The following GLG1 variants were observed in gnomAD, a reference collection of about 807,000 sequenced individuals.
The protein encoded by GLG1 is Golgi apparatus protein 1.
GLG1 carries 38 observed loss-of-function variants against 160.5 expected under a neutral mutation model. That is an observed-to-expected ratio of 0.24 (90% confidence interval 0.18 to 0.31). The LOEUF is 0.31. GLG1 is among the 10% of genes least tolerant of loss of function. The pLI, the probability that GLG1 is intolerant of heterozygous loss-of-function variation, is 1.00. For missense variants in GLG1, 1,373 were observed against 1,505.2 expected, an observed-to-expected ratio of 0.91 and a Z score of 1.45; for synonymous variants, 644 against 543.4, an observed-to-expected ratio of 1.19 and a Z score of -2.57.
intron 1 of GLG1, among the ~76,000 whole-genome samples, chr16:74,535,188 T>C (rs2017655166): frequency 6.6e-6 from 1 of 152,100 alleles, no homozygotes; most frequent in Non-Finnish European, 1.5e-5. Flanking sequence ...GAAGAAAAAA[T>C]GACTAATATA....
chr16:74,586,064 G>GAA (rs201949259), intron 1 of GLG1, among the ~76,000 whole-genome samples: 13 of 120,870 alleles, frequency 1.1e-4, no homozygotes, highest in African/African-American at 3.0e-4. Context: ...CTCTGTATCG[G>GAA]AAAAAAAAAA....
At chr16:74,529,288 C>G (rs1298629702) in intron 2 of GLG1, among the ~76,000 whole-genome samples, 2 of 152,030 alleles carry the variant, frequency 1.3e-5, no homozygotes, top group Non-Finnish European at 1.5e-5. Flanking sequence ...TTTTTATGTC[C>G]ACTAAAGCTG....
At chr16:74,505,617 G>A (rs150369616) in intron 3 of GLG1, among the ~76,000 whole-genome samples, 2,117 of 152,288 alleles carry the variant, frequency 0.014, 36 homozygotes, top group African/African-American at 0.048. Context: ...CACTTTGGGA[G>A]GCTGAGGCAG....
At chr16:74,578,709 G>C (rs776903340) in intron 1 of GLG1, among the ~76,000 whole-genome samples, 3 of 152,182 alleles carry the variant, frequency 2.0e-5, no homozygotes, top group Non-Finnish European at 4.4e-5. Context: ...ATAGGAGTAT[G>C]TTCTGAAGGC....
chr16:74,483,905 C>T (rs1025978266), intron 9 of GLG1, among the ~76,000 whole-genome samples: 3 of 152,036 alleles, frequency 2.0e-5, no homozygotes, highest in East Asian at 1.9e-4. Context: ...GTGATCTGCC[C>T]GCCTCGGCCT....
chr16:74,548,268 A>G (rs1456131078), intron 1 of GLG1, among the ~76,000 whole-genome samples: 2 of 152,246 alleles, frequency 1.3e-5, no homozygotes, highest in African/African-American at 4.8e-5. Context: ...ATCACAAAGC[A>G]GGCAACGGCA....
At chr16:74,534,807 C>T (rs2017642832) in intron 1 of GLG1, among the ~76,000 whole-genome samples, 1 of 152,210 alleles carries the variant, frequency 6.6e-6, no homozygotes, top group Non-Finnish European at 1.5e-5. Flanking sequence ...GCAAGCACTG[C>T]AGTCCACATT....
At chr16:74,577,522 C>CAA (rs71376222) in intron 1 of GLG1, among the ~76,000 whole-genome samples, 2,889 of 119,958 alleles carry the variant, frequency 0.024, 54 homozygotes, top group African/African-American at 0.036. Context: ...AACTCCATCT[C>CAA]AAAAAAAAAA....
chr16:74,508,467 G>T (rs1216493646), intron 3 of GLG1, among the ~76,000 whole-genome samples: 1 of 152,006 alleles, frequency 6.6e-6, no homozygotes, highest in African/African-American at 2.4e-5. Flanking sequence ...ATACCTCTGT[G>T]GGTCAATTGA....
chr16:74,510,553 T>A (rs1359249134), intron 2 of GLG1, among the ~76,000 whole-genome samples: 1 of 152,202 alleles, frequency 6.6e-6, no homozygotes, highest in African/African-American at 2.4e-5. Flanking sequence ...TGAAGATGTA[T>A]GTATATATTC....
chr16:74,523,233 T>C (rs2017227366), intron 2 of GLG1, among the ~76,000 whole-genome samples: 1 of 152,206 alleles, frequency 6.6e-6, no homozygotes, highest in Non-Finnish European at 1.5e-5. Context: ...ACTTTTCACA[T>C]TTGGATCTGC....
At chr16:74,563,676 G>A (rs970696863) in intron 1 of GLG1, among the ~76,000 whole-genome samples, 8 of 106,296 alleles carry the variant, frequency 7.5e-5, no homozygotes, top group African/African-American at 1.7e-4. Flanking sequence ...GCAGGGAGCC[G>A]AGATCACGCC....
In GLG1 at chr16:74,503,982, A is replaced by C. The variant is rs957171681; in HGVS notation, c.559-236T>G. On this transcript the variant is annotated intron_variant, in intron 3 of 25. Coordinates refer to ENST00000422840, the MANE Select transcript of GLG1 (RefSeq NM_001145667.2). ...TTGTGCCTTCTAGAAAAACCTGATT[A>C]ATGTGTTTTGCAAAAGAATACCTAC... Among the ~76,000 whole-genome samples, 5 of 152,332 alleles carry C rather than the reference A, an allele frequency of 3.3e-5. No homozygotes were observed. The South Asian group carries it at 1.0e-3, about 32-fold the overall frequency.
intron 1 of GLG1, among the ~76,000 whole-genome samples, chr16:74,577,025 A>C (rs562844297): frequency 8.6e-5 from 13 of 151,900 alleles, no homozygotes; most frequent in African/African-American, 3.1e-4. Context: ...GGGCTCAAAC[A>C]ATCCTCTTGC....
Position 74,471,241 on chromosome 16 carries a change from G to A in GLG1, c.2161C>T (p.Leu721=), listed in dbSNP as rs1567464083. The change falls in exon 15 of 26, where the codon CTG becomes TTG. Residue 721 remains leucine (L), a synonymous_variant. Coordinates refer to ENST00000422840, the MANE Select transcript of GLG1 (RefSeq NM_001145667.2). Reference sequence around the variant, plus strand: ...TCCTTCTGGTGTTTGTTCTGTATCAGACACTCCATCAGGTCCCCAGAGTCT... The same window carrying A: ...TCCTTCTGGTGTTTGTTCTGTATCAAACACTCCATCAGGTCCCCAGAGTCT... The part of the protein sequence containing the change: ...QIDSGDLMEC[L]IQNKHQKDMN... 1.2e-6 allele frequency: 2 copies of A among 1,612,040 alleles called. No individual in the cohort carries two copies. The highest frequency in any genetic ancestry group is 2.7e-5 in the African/African-American group (2 of 74,870).
intron 6 of GLG1, among the ~76,000 whole-genome samples, chr16:74,493,598 T>C (rs952467052): frequency 6.6e-6 from 1 of 152,184 alleles, no homozygotes. Flanking sequence ...AATAAGATTG[T>C]TCAAATGATA....
At chr16:74,458,462 G>C (rs2014650852) in intron 23 of GLG1, among the ~76,000 whole-genome samples, 1 of 152,146 alleles carries the variant, frequency 6.6e-6, no homozygotes, top group Non-Finnish European at 1.5e-5. Flanking sequence ...GGCCGAGGTA[G>C]GAGTCTGAGA....
chr16:74,465,565 C>G (rs1597228156), intron 19 of GLG1, 111 bp downstream of exon 19: 3 of 1,077,074 alleles, frequency 2.8e-6, no homozygotes, highest in Non-Finnish European at 4.1e-6. Context: ...TGCTGCTGCT[C>G]GTCTAGGGAC....
At chr16:74,487,451 T>G (rs954454563) in intron 8 of GLG1, among the ~76,000 whole-genome samples, 7 of 151,948 alleles carry the variant, frequency 4.6e-5, no homozygotes, top group African/African-American at 1.7e-4. Flanking sequence ...ACCACAAACT[T>G]CTATTATCCT....
Sources: gnomAD v4.1 joint callset for allele counts (sites outside exome capture counted in the v4.1 genomes callset) on GRCh38, gnomAD v4.1.1 for gene constraint, MANE v1.5 for transcripts, NCBI Gene and HGNC (gene_info 2026-07-23, HGNC 2026-07-21) for gene names.